RGS9: variants seen among roughly 807,000 people sequenced by gnomAD.
RGS9 encodes regulator of G protein signaling 9.
Under a neutral mutation model 102.0 loss-of-function variants are expected in RGS9, and 78 were observed. That is an observed-to-expected ratio of 0.76 (90% CI 0.64 to 0.92). The LOEUF is 0.92. Among genes scored for constraint, RGS9 ranks in the 40% least tolerant of loss-of-function variants. The probability of loss-of-function intolerance (pLI) is 0.00; values close to 1 mark genes in which losing one functional copy is unlikely to be tolerated. For missense variants in RGS9, 833 were observed against 866.1 expected (o/e 0.96, Z 0.48); for synonymous variants, 353 against 318.6 (o/e 1.11, Z -1.15).
intron 7 of RGS9, among the ~76,000 whole-genome samples, chr17:65,166,968 A>T (rs903529732): frequency 6.6e-6 from 1 of 152,194 alleles, no homozygotes; most frequent in Non-Finnish European, 1.5e-5. Flanking sequence ...GGGGAGATGA[A>T]TTCGCCGACT....
At chr17:65,144,864 A>G (rs2143954722) in intron 1 of RGS9, among the ~76,000 whole-genome samples, 1 of 152,254 alleles carries the variant, frequency 6.6e-6, no homozygotes, top group East Asian at 1.9e-4. Context: ...TGGCTTAAGC[A>G]ACAGAAACTT....
At chr17:65,144,101 C>T (rs534358141) in intron 1 of RGS9, among the ~76,000 whole-genome samples, 156 of 152,222 alleles carry the variant, frequency 1.0e-3, no homozygotes, top group African/African-American at 3.6e-3. Context: ...AGTGTCTGAG[C>T]GTCTGCGAGA....
chr17:65,197,999 A>T (rs993800379), intron 13 of RGS9, among the ~76,000 whole-genome samples: 3 of 151,942 alleles, frequency 2.0e-5, no homozygotes, highest in Non-Finnish European at 2.9e-5. Flanking sequence ...CAGTGGTTCT[A>T]CACATTCAGT....
In RGS9 at chr17:65,178,476, T is replaced by C. The variant is rs547309456; in HGVS notation, c.654+673T>C. Among the ~76,000 whole-genome samples the C allele has an allele frequency of 4.7e-5, 7 of 149,604 alleles. No individual in the cohort carries two copies. In the South Asian group the frequency reaches 1.5e-3, roughly 31 times the overall value. ...ATTTTGGGCCAGATAATTCTTTTTT[T>C]TTCCTATTTATTTATTTATTTATTT... On this transcript the variant is annotated intron_variant, in intron 9 of 18. Coordinates refer to ENST00000262406, the MANE Select transcript of RGS9 (RefSeq NM_003835.4).
chr17:65,201,100 T>TACACACACACACAC (rs113665578), intron 13 of RGS9, among the ~76,000 whole-genome samples: 1 of 148,640 alleles, frequency 6.7e-6, no homozygotes, highest in Admixed American at 6.7e-5. Context: ...CTCCACGATT[T>TACACACACACACAC]ACACACACAC....
intron 15 of RGS9, among the ~76,000 whole-genome samples, chr17:65,204,916 G>A (rs1016489357): frequency 2.0e-5 from 3 of 152,126 alleles, no homozygotes. Context: ...GTCTGCCTGG[G>A]TTTCAAGGCC....
At chr17:65,178,220 A>G (rs1290770791) in intron 9 of RGS9, among the ~76,000 whole-genome samples, 2 of 152,302 alleles carry the variant, frequency 1.3e-5, no homozygotes, top group African/African-American at 4.8e-5. Flanking sequence ...AAACTCTTGA[A>G]TCAGTTTTAG....
chr17:65,176,867 G>T (rs2144034276), intron 8 of RGS9, among the ~76,000 whole-genome samples: 1 of 146,910 alleles, frequency 6.8e-6, no homozygotes, highest in South Asian at 2.2e-4. Context: ...CTATGGTGCT[G>T]AGTTTGCCAT....
chr17:65,189,783 G>T (rs1448098134), intron 10 of RGS9, among the ~76,000 whole-genome samples: 1 of 152,208 alleles, frequency 6.6e-6, no homozygotes, highest in Admixed American at 6.5e-5. Flanking sequence ...TTGAGGAGGG[G>T]ATAACTTGCT....
At position 65,224,990 on chromosome 17, in the gene RGS9, C is replaced by T; in HGVS notation, c.1408-12C>T. 7 of 1,613,536 alleles carry T rather than the reference C, an allele frequency of 4.3e-6. No homozygotes were observed. Among genetic ancestry groups the T allele is most frequent in the Non-Finnish European group, 5.9e-6 (7 of 1,180,018 alleles). ...AACTCACCACTGAGCTCTCTCCTTT[C>T]CTTCTCTACAGCCGGGCCAGCACAT... On this transcript the variant is annotated splice_polypyrimidine_tract_variant and intron_variant, in intron 17 of 18. Transcript: ENST00000262406.
At chr17:65,170,984 G>A (rs975274502) in intron 8 of RGS9, among the ~76,000 whole-genome samples, 3 of 152,070 alleles carry the variant, frequency 2.0e-5, no homozygotes, top group Non-Finnish European at 2.9e-5. Context: ...AGGAAGCCCC[G>A]GAGCTCACAG....
At chr17:65,148,121 T>G (rs897653908) in intron 1 of RGS9, among the ~76,000 whole-genome samples, 1 of 152,244 alleles carries the variant, frequency 6.6e-6, no homozygotes, top group Non-Finnish European at 1.5e-5. Context: ...ATATTTGATC[T>G]ATGAATCTGT....
At chr17:65,151,615 G>T (rs920603372) in intron 1 of RGS9, among the ~76,000 whole-genome samples, 1 of 152,172 alleles carries the variant, frequency 6.6e-6, no homozygotes, top group Non-Finnish European at 1.5e-5. Context: ...CCCAGACATT[G>T]TGGGAATCTC....
intron 1 of RGS9, among the ~76,000 whole-genome samples, chr17:65,141,684 G>A (rs2143947379): frequency 6.6e-6 from 1 of 152,298 alleles, no homozygotes; most frequent in East Asian, 1.9e-4. Flanking sequence ...AGACATTGTT[G>A]GAGGATACAT....
intron 18 of RGS9, among the ~76,000 whole-genome samples, chr17:65,226,233 C>T (rs1374360779): frequency 1.3e-5 from 2 of 152,228 alleles, no homozygotes; most frequent in Non-Finnish European, 2.9e-5. Flanking sequence ...TCAGCTCCTA[C>T]ACTTACTGAG....
chr17:65,204,134 CT>C, intron 14 of RGS9, 28 bp from the exon 15 acceptor site: 1 of 1,611,976 alleles, frequency 6.2e-7, no homozygotes, highest in Non-Finnish European at 8.5e-7. Context: ...GGTTTAGTTA[CT>C]TTTGCTAACA....
chr17:65,215,928 A>G (rs912323348), intron 17 of RGS9, among the ~76,000 whole-genome samples: 2 of 152,106 alleles, frequency 1.3e-5, no homozygotes, highest in African/African-American at 4.8e-5. Flanking sequence ...ACTAGGAAAG[A>G]GACAGACACA....
chr17:65,141,263 G>T (rs1386837946), intron 1 of RGS9, among the ~76,000 whole-genome samples: 1 of 152,152 alleles, frequency 6.6e-6, no homozygotes, highest in East Asian at 1.9e-4. Flanking sequence ...CAGGTGGGTG[G>T]CCTCCTGTGG....
At chr17:65,163,459 T>TG (rs1471704294) in intron 7 of RGS9, among the ~76,000 whole-genome samples, 1 of 152,180 alleles carries the variant, frequency 6.6e-6, no homozygotes, top group Non-Finnish European at 1.5e-5. Context: ...CCCAAAGTGC[T>TG]GGGATTACAG....
Sources: allele counts gnomAD v4.1 joint callset (sites outside exome capture counted in the v4.1 genomes callset), GRCh38; gene constraint gnomAD v4.1.1; transcripts MANE v1.5; gene names NCBI Gene and HGNC (gene_info 2026-07-23, HGNC 2026-07-21).